Variants in PDE4D observed in about 807,000 individuals in gnomAD.
PDE4D encodes phosphodiesterase 4D, also known as 3',5'-cyclic-AMP phosphodiesterase 4D.
PDE4D carries 24 observed loss-of-function variants against 87.4 expected under a neutral mutation model. The observed-to-expected ratio is 0.27, with a 90% CI of 0.20 to 0.39. The LOEUF (loss-of-function observed/expected upper bound fraction) is 0.39, where lower values mean the gene tolerates loss of function less well. Ranked by LOEUF, PDE4D falls within the 10% of genes least tolerant of loss-of-function variation. The pLI is 1.00. For missense variants in PDE4D, 714 were observed against 1,041.0 expected (o/e 0.69, Z 4.32); for synonymous variants, 384 against 383.2 (o/e 1.00, Z -0.02).
At chr5:60,465,761 C>A (rs778979145) in intron 1 of PDE4D, among the ~76,000 whole-genome samples, 10 of 151,934 alleles carry the variant, frequency 6.6e-5, no homozygotes, top group Admixed American at 2.6e-4. Context: ...CTTAGCCTAG[C>A]CTACCTAAAC....
intron 1 of PDE4D, among the ~76,000 whole-genome samples, chr5:59,671,246 A>G (rs1747149780): frequency 6.6e-6 from 1 of 152,152 alleles, no homozygotes; most frequent in Non-Finnish European, 1.5e-5. Flanking sequence ...GAGTTAGGGG[A>G]TCAAAGGAAG....
At chr5:60,206,012 C>G (rs1049356083) in intron 1 of PDE4D, among the ~76,000 whole-genome samples, 1 of 152,154 alleles carries the variant, frequency 6.6e-6, no homozygotes, top group Non-Finnish European at 1.5e-5. Context: ...TGAGGTATCT[C>G]CAGACATGGT....
intron 1 of PDE4D, among the ~76,000 whole-genome samples, chr5:59,737,982 T>A (rs1758311944): frequency 6.6e-6 from 1 of 152,186 alleles, no homozygotes; most frequent in African/African-American, 2.4e-5. Flanking sequence ...CAGAGCCCTA[T>A]TTTTCTATCA....
chr5:60,120,705 G>A (rs556143432), intron 2 of PDE4D, among the ~76,000 whole-genome samples: 15 of 152,236 alleles, frequency 9.9e-5, no homozygotes, highest in African/African-American at 3.4e-4. Context: ...GCCTGGCGAA[G>A]TTTATACTCC....
intron 1 of PDE4D, among the ~76,000 whole-genome samples, chr5:59,666,928 C>T (rs563761266): frequency 1.3e-5 from 2 of 152,140 alleles, no homozygotes; most frequent in Non-Finnish European, 2.9e-5. Context: ...CTGCAGCACC[C>T]TCTTTCTGAT....
intron 1 of PDE4D, among the ~76,000 whole-genome samples, chr5:60,495,467 C>T (rs1749762353): frequency 6.6e-6 from 1 of 152,212 alleles, no homozygotes; most frequent in African/African-American, 2.4e-5. Flanking sequence ...ACACCCACCA[C>T]CATGCGTCAA....
chr5:59,893,467 A>G lies in PDE4D; in HGVS notation c.156T>C (p.His52=). The G allele has an allele frequency of 6.5e-7, 1 of 1,532,996 alleles. No homozygotes were observed. Among genetic ancestry groups the G allele is most frequent in the Non-Finnish European group, 8.8e-7 (1 of 1,138,882 alleles). 95.0% of individuals were successfully genotyped at this position (1,532,996 alleles called of 1,614,324 possible). ...PLRQPQFRLL[H]PHHHLPPPPP... is the part of the protein sequence containing the mutation. The stretch of plus-strand genomic sequence containing the variant: ...GCGGCGGGGGCAGGTGGTGATGGGG[A>G]TGCAGGAGGCGGAACTGGGGCTGCC... Residue 52 remains histidine, a synonymous_variant, in exon 1 of 15, where the codon CAT becomes CAC. Coordinates refer to ENST00000340635, the MANE Select transcript of PDE4D (RefSeq NM_001104631.2).
rs769528933 is a variant in PDE4D at position 59,738,815 on chromosome 5, G to A, written c.455+154353C>T. ...CATTCATGTTCATTCTAAACACTAC[G>A]CATACTTCTTACTCATTTCTTTTTA... On this transcript the variant is annotated intron_variant, in intron 1 of 14. Transcript: ENST00000340635. 7.3e-5 allele frequency among the ~76,000 whole-genome samples: 11 copies of A among 150,986 alleles called. No individual in the cohort carries two copies. In the East Asian group the frequency reaches 1.2e-3, roughly 16 times the overall value.
chr5:59,809,560 G>A (rs924146247), intron 1 of PDE4D, among the ~76,000 whole-genome samples: 2 of 152,128 alleles, frequency 1.3e-5, no homozygotes, highest in African/African-American at 4.8e-5. Context: ...TTTCAGCAAA[G>A]AGGAGTAATT....
At chr5:59,601,863 C>T (rs548953194) in intron 1 of PDE4D, among the ~76,000 whole-genome samples, 1 of 152,052 alleles carries the variant, frequency 6.6e-6, no homozygotes, top group Non-Finnish European at 1.5e-5. Context: ...TAACTAATAT[C>T]AATTTTCCTC....
At chr5:59,658,296 A>G (rs1018478575) in intron 1 of PDE4D, among the ~76,000 whole-genome samples, 3 of 152,152 alleles carry the variant, frequency 2.0e-5, no homozygotes, top group East Asian at 3.9e-4. Context: ...TCTCACACCT[A>G]GAAAGTGTTG....
At chr5:60,042,486 G>A (rs540136213) in intron 2 of PDE4D, among the ~76,000 whole-genome samples, 4 of 152,310 alleles carry the variant, frequency 2.6e-5, no homozygotes, top group South Asian at 2.1e-4. Flanking sequence ...CCTCACCCCC[G>A]TGCCTCCTGA....
intron 1 of PDE4D, among the ~76,000 whole-genome samples, chr5:60,269,372 T>A (rs1395918832): frequency 1.3e-5 from 2 of 152,244 alleles, no homozygotes; most frequent in African/African-American, 4.8e-5. Context: ...TAGGCTCTGC[T>A]ACATTCCACA....
intron 1 of PDE4D, among the ~76,000 whole-genome samples, chr5:59,725,706 T>C (rs755364267): frequency 7.2e-5 from 11 of 152,178 alleles, no homozygotes; most frequent in Non-Finnish European, 1.6e-4. Context: ...GCATTTACTT[T>C]AAATCATTAA....
In PDE4D at chr5:58,975,062, T is replaced by C. The variant is rs1743362051; in HGVS notation, c.2032A>G (p.Ile678Val). ...CATGTCTCCCAGAGGGGATGAACAA[T>C]ATAGTCTATGAAGCCCACCTAGTTA... ...EKSQVGFIDY[I>V]VHPLWETWAD... Residue 678 changes from isoleucine (I) to valine (V), a missense_variant, in exon 15 of 15, where the codon ATT becomes GTT. Transcript: ENST00000340635. The surrounding 1 kb of genome is among the most constrained non-coding windows in gnomAD (Gnocchi z 4.2). The C allele has an allele frequency of 1.3e-6, 2 of 1,537,720 alleles. No individual in the cohort carries two copies. Among genetic ancestry groups the C allele is most frequent in the Non-Finnish European group, 1.8e-6 (2 of 1,137,010 alleles).
At chr5:60,503,577 T>G (rs923824399) in intron 1 of PDE4D, among the ~76,000 whole-genome samples, 1 of 152,168 alleles carries the variant, frequency 6.6e-6, no homozygotes, top group African/African-American at 2.4e-5. Flanking sequence ...GAATCAAGAA[T>G]CTATGGAAAC....
chr5:59,443,917 G>A (rs770227980), intron 1 of PDE4D, among the ~76,000 whole-genome samples: 3 of 150,682 alleles, frequency 2.0e-5, no homozygotes, highest in African/African-American at 7.5e-5. Flanking sequence ...TTTTTTTAAA[G>A]AGAGAAAACA....
chr5:60,369,776 C>T (rs1480570859), intron 1 of PDE4D, among the ~76,000 whole-genome samples: 3 of 152,166 alleles, frequency 2.0e-5, no homozygotes, highest in South Asian at 4.2e-4. Flanking sequence ...CCATATAAGA[C>T]TAAGTGTGGG....
chr5:60,508,780 T>C (rs1490575794), intron 1 of PDE4D, among the ~76,000 whole-genome samples: 1 of 152,240 alleles, frequency 6.6e-6, no homozygotes, highest in African/African-American at 2.4e-5. Context: ...TTTTAATATA[T>C]ATTGTTAATT....
Sources: gnomAD v4.1 joint callset for allele counts (sites outside exome capture counted in the v4.1 genomes callset) on GRCh38, gnomAD v4.1.1 for gene constraint, Gnocchi (gnomAD v3.1) non-coding constraint, MANE v1.5 for transcripts, NCBI Gene and HGNC (gene_info 2026-07-23, HGNC 2026-07-21) for gene names.